HNF1B: variants seen among roughly 807,000 people sequenced by gnomAD.
HNF1B encodes the protein HNF1 homeobox B.
A neutral mutation model predicts 61.7 loss-of-function variants in HNF1B; 8 were observed. That is an observed-to-expected ratio of 0.13 (90% CI 0.08 to 0.23). HNF1B has a LOEUF of 0.23. Ranked by LOEUF, HNF1B falls within the 10% of genes least tolerant of loss-of-function variation. The pLI, the probability that HNF1B is intolerant of heterozygous loss-of-function variation, is 1.00. For missense variants in HNF1B, 562 were observed against 714.5 expected (o/e 0.79, Z 2.43); for synonymous variants, 314 against 287.7 (o/e 1.09, Z -0.93).
chr17:37,733,707 T>G lies in HNF1B; in HGVS notation c.659A>C (p.Asp220Ala). The G allele has an allele frequency of 1.2e-6, 2 of 1,614,188 alleles. No homozygotes were observed. The highest frequency in any genetic ancestry group is 1.7e-6 in the Non-Finnish European group (2 of 1,180,030). ...GTTGGTGGGCTCAGAGCAGGCATCA[T>G]CGGACTGCCCAGGCCCATGGCTCTG... Reference protein sequence around the residue: ...SQQSHGPGQSDDACSEPTNKK... With the variant: ...SQQSHGPGQSADACSEPTNKK... The change falls in exon 3 of 9, where the codon GAT (aspartate) becomes GCT (alanine). Residue 220 changes from aspartate (D) to alanine (A), a missense_variant. Asp to Ala is a moderately radical substitution (Grantham distance 126). This residue lies in a region of HNF1B where 69 missense variants were observed against 81.2 expected (regional missense o/e 0.85). Coordinates refer to ENST00000617811, the MANE Select transcript of HNF1B (RefSeq NM_000458.4).
intron 8 of HNF1B, among the ~76,000 whole-genome samples, chr17:37,690,003 GCACACACA>G (rs5820231): frequency 0.34 from 49,887 of 148,732 alleles, 8,308 homozygotes; most frequent in Admixed American, 0.42. Flanking sequence ...ACAAATGCGT[GCACACACA>G]CACACACACA....
intron 4 of HNF1B, among the ~76,000 whole-genome samples, chr17:37,720,471 CTG>C (rs972431374): frequency 6.6e-6 from 1 of 151,798 alleles, no homozygotes; most frequent in African/African-American, 2.4e-5. Context: ...CTGGGTGACA[CTG>C]TTTCTAGAGA....
intron 8 of HNF1B, among the ~76,000 whole-genome samples, chr17:37,688,404 C>T (rs1420339278): frequency 1.3e-5 from 2 of 151,802 alleles, no homozygotes; most frequent in African/African-American, 4.8e-5. Context: ...CACACACACA[C>T]ACACACACAC....
intron 8 of HNF1B, 94 bp downstream of exon 8, chr17:37,698,982 C>G (rs1261351346): frequency 9.6e-6 from 9 of 940,526 alleles, no homozygotes; most frequent in Non-Finnish European, 1.4e-5. Flanking sequence ...GACCTAATTT[C>G]TGGCCGAGTC....
At chr17:37,705,442 T>C (rs1047614385) in intron 5 of HNF1B, among the ~76,000 whole-genome samples, 7 of 152,370 alleles carry the variant, frequency 4.6e-5, no homozygotes, top group African/African-American at 1.7e-4. Context: ...TCTGAGTTAC[T>C]AGCCAGCTTC....
intron 2 of HNF1B, among the ~76,000 whole-genome samples, chr17:37,735,866 C>T (rs2033818250): frequency 6.6e-6 from 1 of 152,184 alleles, no homozygotes; most frequent in Non-Finnish European, 1.5e-5. Flanking sequence ...TCAAGCCATC[C>T]TCTCGCCTTA....
chr17:37,712,156 TG>T (rs2032955098), intron 4 of HNF1B, among the ~76,000 whole-genome samples: 1 of 152,260 alleles, frequency 6.6e-6, no homozygotes, highest in Non-Finnish European at 1.5e-5. Flanking sequence ...GAGTATGTAG[TG>T]GCTTGACGCT....
chr17:37,711,128 G>A (rs978484517), intron 4 of HNF1B, among the ~76,000 whole-genome samples: 12 of 152,178 alleles, frequency 7.9e-5, no homozygotes, highest in African/African-American at 2.9e-4. Context: ...AGTATAAGTA[G>A]ACCCATGTGA....
chr17:37,726,160 T>TTCTCTC (rs138092812), intron 4 of HNF1B, among the ~76,000 whole-genome samples: 2 of 103,710 alleles, frequency 1.9e-5, no homozygotes, highest in African/African-American at 3.3e-5. Context: ...GTGTGTGTCT[T>TTCTCTC]TCTCTCTCTC....
intron 4 of HNF1B, among the ~76,000 whole-genome samples, chr17:37,719,104 A>G (rs934324564): frequency 1.7e-5 from 2 of 114,328 alleles, no homozygotes; most frequent in African/African-American, 7.3e-5. Flanking sequence ...ATGCCTGGCT[A>G]ATTTATTAAT....
rs926815547 is a variant in HNF1B, at chr17:37,726,012, A to G, written c.1045+5583T>C. Among the ~76,000 whole-genome samples the G allele has an allele frequency of 2.6e-5, 4 of 152,240 alleles. No individual in the cohort carries two copies. The South Asian group carries it at 8.3e-4, about 31-fold the overall frequency. On this transcript the variant is annotated intron_variant, in intron 4 of 8. Coordinates refer to ENST00000617811, the MANE Select transcript of HNF1B (RefSeq NM_000458.4). Reference sequence around the variant, plus strand: ...GGTCAGGGGCAGTGGTTGGGGAGGAAGTAGTAAACTACCCAGAATGGGAGA... The same window carrying G: ...GGTCAGGGGCAGTGGTTGGGGAGGAGGTAGTAAACTACCCAGAATGGGAGA...
chr17:37,739,777 A>G, intron 1 of HNF1B, 138 bp from the exon 2 acceptor site: 1 of 792,650 alleles, frequency 1.3e-6, no homozygotes, highest in Middle Eastern at 3.0e-4. Flanking sequence ...TGGGGTAGAC[A>G]TGAGGCCAAA....
chr17:37,732,652 A>G (rs2147549088), intron 3 of HNF1B, among the ~76,000 whole-genome samples: 1 of 150,518 alleles, frequency 6.6e-6, no homozygotes, highest in Non-Finnish European at 1.5e-5. Flanking sequence ...AATGAAGTAA[A>G]AAGATTTCCC....
At chr17:37,693,196 A>G (rs930207863) in intron 8 of HNF1B, among the ~76,000 whole-genome samples, 2 of 141,880 alleles carry the variant, frequency 1.4e-5, no homozygotes, top group Admixed American at 6.9e-5. Context: ...TCTCAAAAAA[A>G]AAAAAAAAAA....
intron 4 of HNF1B, chr17:37,731,063 C>T (rs1333789368): frequency 1.6e-5 from 3 of 188,636 alleles, no homozygotes; most frequent in Non-Finnish European, 3.4e-5. Flanking sequence ...TGACCCCCAC[C>T]AACCCTGATG....
rs1443096634 is a variant in HNF1B at position 37,687,103 on chromosome 17, C to T, written c.*269G>A. The T allele has an allele frequency of 4.8e-6, 3 of 620,478 alleles. No individual in the cohort carries two copies. The highest frequency in any genetic ancestry group is 4.3e-4 in the Middle Eastern group (1 of 2,334). The allele number at this position is 620,478 out of a possible 1,614,324, so 38.4% of individuals were successfully genotyped here. On this transcript the variant is annotated 3_prime_UTR_variant, in exon 9 of 9. Transcript: ENST00000617811. ...CTTTCTTGCTTCCTCTTCGGAGGTTCCTTGTCTCCCACCTCCAGGACAGAC... is the reference window on the plus strand; with the variant it reads ...CTTTCTTGCTTCCTCTTCGGAGGTTTCTTGTCTCCCACCTCCAGGACAGAC...
chr17:37,734,373 T>C (rs1005189390), intron 2 of HNF1B, among the ~76,000 whole-genome samples: 12 of 152,236 alleles, frequency 7.9e-5, no homozygotes, highest in African/African-American at 2.9e-4. Flanking sequence ...ACTGGAGCTT[T>C]GTATTGGAAA....
intron 1 of HNF1B, among the ~76,000 whole-genome samples, chr17:37,743,084 C>G (rs531605732): frequency 6.6e-6 from 1 of 151,748 alleles, no homozygotes; most frequent in African/African-American, 2.4e-5. Flanking sequence ...GCGGCCAGCC[C>G]GGCGCGGGGC....
intron 4 of HNF1B, among the ~76,000 whole-genome samples, chr17:37,715,240 G>T (rs1487693656): frequency 6.6e-6 from 1 of 152,098 alleles, no homozygotes; most frequent in Non-Finnish European, 1.5e-5. Context: ...GCCTCTTAAA[G>T]AAAGAGATGA....
Sources: gnomAD v4.1 joint callset for allele counts (sites outside exome capture counted in the v4.1 genomes callset) on GRCh38, gnomAD v4.1.1 for gene constraint, gnomAD v4.1.1 regional missense constraint, MANE v1.5 for transcripts, NCBI Gene and HGNC (gene_info 2026-07-23, HGNC 2026-07-21) for gene names.